The following LIPH variants were observed in gnomAD, a reference collection of about 807,000 sequenced individuals.
LIPH encodes the protein lipase H.
Under a neutral mutation model 47.6 loss-of-function variants are expected in LIPH, and 32 were observed. The observed-to-expected ratio is 0.67, with a 90% CI of 0.51 to 0.90. LIPH has a LOEUF of 0.90. Ranked by LOEUF, LIPH falls within the 40% of genes least tolerant of loss-of-function variation. The pLI, the probability that LIPH is intolerant of heterozygous loss-of-function variation, is 0.00. For synonymous variants in LIPH, 190 were observed against 195.6 expected (o/e 0.97, Z 0.24); for missense variants, 497 against 541.4 (o/e 0.92, Z 0.81).
At chr3:185,510,113 A>G (rs1015387300) in intron 9 of LIPH, among the ~76,000 whole-genome samples, 75 of 151,790 alleles carry the variant, frequency 4.9e-4, no homozygotes, top group Non-Finnish European at 5.3e-4. Flanking sequence ...CTGCCCAGCT[A>G]ATTTTTTATA....
At chr3:185,529,891 G>GAGAAAGAGAGAAAGAAAAGAAAGAA (rs1720256962) in intron 3 of LIPH, among the ~76,000 whole-genome samples, 2 of 144,014 alleles carry the variant, frequency 1.4e-5, no homozygotes, top group African/African-American at 5.4e-5. Flanking sequence ...AAGAGAGAGA[G>GAGAAAGAGAGAAAGAAAAGAAAGAA]AGAAAGAGAG....
At chr3:185,511,789 CTA>C in intron 8 of LIPH, 92 bp from the exon 9 acceptor site, 1 of 826,416 alleles carries the variant, frequency 1.2e-6, no homozygotes, top group Non-Finnish European at 2.1e-6. Context: ...AAGCTGGTAA[CTA>C]TTTCACCCCA....
chr3:185,524,435 T>G (rs927752279), intron 4 of LIPH, among the ~76,000 whole-genome samples: 2 of 151,714 alleles, frequency 1.3e-5, no homozygotes, highest in African/African-American at 4.8e-5. Context: ...GCTAATAAAA[T>G]GATACATTTC....
At chr3:185,548,390 C>T (rs992807724) in intron 1 of LIPH, among the ~76,000 whole-genome samples, 5 of 142,424 alleles carry the variant, frequency 3.5e-5, no homozygotes, top group African/African-American at 1.3e-4. Flanking sequence ...GGTGACAGAG[C>T]GAGACTCTGT....
Position 185,508,633 on chromosome 3 carries a change from G to T in LIPH, c.*157C>A. ...AGGATCGTTTTATAATCACAAGGTT[G>T]TTTGATGTACAATGTGACATCCATA... On this transcript the variant is annotated 3_prime_UTR_variant, in exon 10 of 10. Transcript: ENST00000296252. 1 of 666,834 alleles carries T rather than the reference G, an allele frequency of 1.5e-6. No individual in the cohort carries two copies. The highest frequency in any genetic ancestry group is 2.7e-6 in the Non-Finnish European group (1 of 367,320). 41.3% of individuals were successfully genotyped at this position (666,834 alleles called of 1,614,324 possible). A position where few individuals can be genotyped will look rare whatever the true frequency, so the allele number is the denominator to read the frequency against.
At chr3:185,514,325 A>T in intron 8 of LIPH, 85 bp downstream of exon 8, 1 of 766,802 alleles carries the variant, frequency 1.3e-6, no homozygotes. Context: ...TAGATCTATA[A>T]ATAAGAAAGT....
chr3:185,540,306 C>T (rs970740155), intron 1 of LIPH, among the ~76,000 whole-genome samples: 3 of 152,086 alleles, frequency 2.0e-5, no homozygotes, highest in Admixed American at 1.3e-4. Flanking sequence ...TATGGATTGT[C>T]CTCATGTTTT....
At chr3:185,547,644 G>A (rs1043814302) in intron 1 of LIPH, among the ~76,000 whole-genome samples, 26 of 152,030 alleles carry the variant, frequency 1.7e-4, no homozygotes, top group African/African-American at 5.8e-4. Context: ...CCAACATGGC[G>A]AAACCCCGTC....
chr3:185,533,150 C>T (rs1720386828), intron 3 of LIPH, among the ~76,000 whole-genome samples: 1 of 152,100 alleles, frequency 6.6e-6, no homozygotes, highest in Admixed American at 6.6e-5. Flanking sequence ...GAGAATAAGC[C>T]CCAGCCATCA....
intron 1 of LIPH, among the ~76,000 whole-genome samples, chr3:185,538,031 T>A (rs1186050036): frequency 6.6e-6 from 1 of 152,172 alleles, no homozygotes. Flanking sequence ...AGTCTTGAAC[T>A]CCTGGGCTCA....
Position 185,517,167 on chromosome 3 carries a change from G to T in LIPH, c.887-5C>A, listed in dbSNP as rs773145090. The T allele has an allele frequency of 6.6e-7, 1 of 1,509,678 alleles. No individual in the cohort carries two copies. The highest frequency in any genetic ancestry group is 9.2e-7 in the Non-Finnish European group (1 of 1,085,014). The allele number at this position is 1,509,678 out of a possible 1,614,324, so 93.5% of individuals were successfully genotyped here. A position where few individuals can be genotyped will look rare whatever the true frequency, so the allele number is the denominator to read the frequency against. On this transcript the variant is annotated splice_polypyrimidine_tract_variant and splice_region_variant and intron_variant, in intron 6 of 9. Transcript: ENST00000296252. Reference sequence around the variant, plus strand: ...TCCAATTATCAGCATAATAGCCTATGAAACAAGTTTAAAAAATTGTAAGAT... The same window carrying T: ...TCCAATTATCAGCATAATAGCCTATTAAACAAGTTTAAAAAATTGTAAGAT...
intron 7 of LIPH, among the ~76,000 whole-genome samples, chr3:185,515,981 A>C (rs79400328): frequency 2.1e-4 from 32 of 152,122 alleles, no homozygotes; most frequent in Non-Finnish European, 4.1e-4. Flanking sequence ...AACAAAAAAA[A>C]CAGTTAGCTG....
chr3:185,535,470 T>G lies in LIPH; in HGVS notation c.50-338A>C, dbSNP rs825591. ...TTGTGTATTTTTTGATAGAGATGGG[T>G]TTTCACCATGTTGGCCAGGCTGATC... is the stretch of plus-strand genomic sequence containing the variant. On this transcript the variant is annotated intron_variant, in intron 1 of 9. Coordinates refer to ENST00000296252, the MANE Select transcript of LIPH (RefSeq NM_139248.3). Among the ~76,000 whole-genome samples the G allele has an allele frequency of 0.92, 139,942 of 152,146 alleles. 64,696 individuals are homozygous for G. Among genetic ancestry groups the G allele is most frequent in the East Asian group, 0.99 (5,104 of 5,176 alleles).
chr3:185,518,169 C>T (rs1719790224), intron 6 of LIPH, among the ~76,000 whole-genome samples: 1 of 152,206 alleles, frequency 6.6e-6, no homozygotes, highest in African/African-American at 2.4e-5. Flanking sequence ...AGCTTGGAAA[C>T]TCTTCTGTAA....
chr3:185,543,710 T>A (rs1014517503), intron 1 of LIPH, among the ~76,000 whole-genome samples: 1 of 152,222 alleles, frequency 6.6e-6, no homozygotes, highest in Non-Finnish European at 1.5e-5. Flanking sequence ...CAAGACTCCA[T>A]AACTATTTTT....
At chr3:185,532,802 A>C (rs1271165780) in intron 3 of LIPH, among the ~76,000 whole-genome samples, 1 of 151,936 alleles carries the variant, frequency 6.6e-6, no homozygotes, top group Non-Finnish European at 1.5e-5. Flanking sequence ...AAATAAATAA[A>C]TAATAAAATA....
chr3:185,549,670 G>T (rs943324068), intron 1 of LIPH, among the ~76,000 whole-genome samples: 3 of 152,180 alleles, frequency 2.0e-5, no homozygotes, highest in African/African-American at 7.2e-5. Context: ...GTATGTGCCT[G>T]TAAGTTCCAG....
chr3:185,536,784 T>C (rs1423799467), intron 1 of LIPH, among the ~76,000 whole-genome samples: 2 of 152,242 alleles, frequency 1.3e-5, no homozygotes, highest in South Asian at 2.1e-4. Flanking sequence ...TTTTTATCGT[T>C]ACTTAACAAT....
chr3:185,508,345 A>C lies in LIPH; in HGVS notation c.*445T>G. On this transcript the variant is annotated 3_prime_UTR_variant, in exon 10 of 10. Transcript: ENST00000296252. ...AACCCACACAGCAGCCCCATGAGGT[A>C]GACGTCAGTTTCGTTCCCTTCTACG... 6 of 188,500 alleles carry C rather than the reference A, an allele frequency of 3.2e-5. No individual in the cohort carries two copies. The highest frequency in any genetic ancestry group is 6.8e-5 in the Non-Finnish European group (6 of 88,700). 11.7% of individuals were successfully genotyped at this position (188,500 alleles called of 1,614,324 possible).
Sources: gnomAD v4.1 joint callset for allele counts (sites outside exome capture counted in the v4.1 genomes callset) on GRCh38, gnomAD v4.1.1 for gene constraint, MANE v1.5 for transcripts, NCBI Gene and HGNC (gene_info 2026-07-23, HGNC 2026-07-21) for gene names.